CAMK2D: variants seen among roughly 807,000 people sequenced by gnomAD.
CAMK2D encodes calcium/calmodulin dependent protein kinase II delta.
CAMK2D carries 37 observed loss-of-function variants against 84.0 expected under a neutral mutation model. That is an observed-to-expected ratio of 0.44 (90% confidence interval 0.34 to 0.58). The LOEUF is 0.58. CAMK2D is among the 20% of genes least tolerant of loss of function. The pLI, the probability that CAMK2D is intolerant of heterozygous loss-of-function variation, is 0.02. For missense variants in CAMK2D, 448 were observed against 652.5 expected (o/e 0.69, Z 3.41); for synonymous variants, 202 against 212.5 (o/e 0.95, Z 0.43).
intron 2 of CAMK2D, among the ~76,000 whole-genome samples, chr4:113,699,431 G>A (rs1025068685): frequency 1.3e-5 from 2 of 152,018 alleles, no homozygotes; most frequent in African/African-American, 4.8e-5. Context: ...ATAATCTAAG[G>A]TTTACTAAGA....
intron 2 of CAMK2D, among the ~76,000 whole-genome samples, chr4:113,710,876 A>G (rs974776047): frequency 6.6e-6 from 1 of 152,196 alleles, no homozygotes; most frequent in African/African-American, 2.4e-5. Context: ...TATCAAGTAC[A>G]CAACTTCAAT....
chr4:113,688,541 C>A (rs1434162511), intron 2 of CAMK2D, among the ~76,000 whole-genome samples: 1 of 152,132 alleles, frequency 6.6e-6, no homozygotes, highest in Non-Finnish European at 1.5e-5. Context: ...CTAAACACTT[C>A]CAGCTGCCAG....
chr4:113,628,371 G>A (rs997914814), intron 3 of CAMK2D, among the ~76,000 whole-genome samples: 2 of 152,070 alleles, frequency 1.3e-5, no homozygotes, highest in African/African-American at 2.4e-5. Flanking sequence ...ATATAGCCTT[G>A]TTAATTTTAA....
chr4:113,494,471 C>G (rs1441582914), intron 16 of CAMK2D, among the ~76,000 whole-genome samples: 2 of 152,154 alleles, frequency 1.3e-5, no homozygotes, highest in East Asian at 3.9e-4. Context: ...GGGTCAGGGA[C>G]CCACTTGAGG....
At chr4:113,683,619 G>A (rs1388855955) in intron 2 of CAMK2D, among the ~76,000 whole-genome samples, 1 of 152,054 alleles carries the variant, frequency 6.6e-6, no homozygotes, top group Non-Finnish European at 1.5e-5. Context: ...GCGTTTTCTG[G>A]GTAGAAAAAG....
chr4:113,735,261 G>A (rs938560654), intron 2 of CAMK2D, among the ~76,000 whole-genome samples: 4 of 124,002 alleles, frequency 3.2e-5, no homozygotes, highest in South Asian at 2.6e-4. Flanking sequence ...AGACCAACCC[G>A]GCCAACATGG....
chr4:113,463,311 C>T (rs2097414865), intron 17 of CAMK2D, among the ~76,000 whole-genome samples: 1 of 152,118 alleles, frequency 6.6e-6, no homozygotes, highest in African/African-American at 2.4e-5. Flanking sequence ...TCAGAGGCAA[C>T]TTCTTTTTTT....
intron 13 of CAMK2D, 82 bp downstream of exon 13, chr4:113,509,556 G>T (rs1229549056): frequency 5.5e-6 from 5 of 902,368 alleles, no homozygotes; most frequent in Non-Finnish European, 9.0e-6. Flanking sequence ...AACTTGCAAA[G>T]ACTTAGGAAT....
chr4:113,747,267 T>C (rs915032657), intron 2 of CAMK2D, among the ~76,000 whole-genome samples: 4 of 150,870 alleles, frequency 2.7e-5, no homozygotes, highest in Admixed American at 6.6e-5. Context: ...TGCCAAATTA[T>C]AAACTATATC....
chr4:113,479,693 C>T (rs2097675396), intron 16 of CAMK2D, among the ~76,000 whole-genome samples: 1 of 152,170 alleles, frequency 6.6e-6, no homozygotes, highest in African/African-American at 2.4e-5. Context: ...TATTTATGCA[C>T]ATAGGTTGGC....
At chr4:113,546,945 A>G (rs2098580828) in intron 6 of CAMK2D, among the ~76,000 whole-genome samples, 1 of 152,184 alleles carries the variant, frequency 6.6e-6, no homozygotes, top group South Asian at 2.1e-4. Context: ...GTGAAGTCTT[A>G]AGGGTATCAG....
chr4:113,757,605 C>T (rs1033371604), intron 2 of CAMK2D, among the ~76,000 whole-genome samples: 4 of 152,132 alleles, frequency 2.6e-5, no homozygotes, highest in Non-Finnish European at 5.9e-5. Flanking sequence ...AGAATGTCTC[C>T]TAACTCTTCA....
chr4:113,537,259 T>G, intron 7 of CAMK2D, 82 bp downstream of exon 7: 1 of 696,380 alleles, frequency 1.4e-6, no homozygotes, highest in Non-Finnish European at 2.5e-6. Flanking sequence ...TTCCATTTTA[T>G]TTTCACTAGG....
chr4:113,460,041 T>C, intron 18 of CAMK2D, 106 bp downstream of exon 18: 1 of 722,002 alleles, frequency 1.4e-6, no homozygotes. Flanking sequence ...AAATGCTGGA[T>C]GAAGGTAAAA....
intron 3 of CAMK2D, among the ~76,000 whole-genome samples, chr4:113,649,519 C>T (rs2099164660): frequency 6.6e-6 from 1 of 152,172 alleles, no homozygotes; most frequent in Admixed American, 6.5e-5. Flanking sequence ...CCAATCCCTA[C>T]AACTTTATGG....
chr4:113,515,850 T>A (rs1413659000), intron 9 of CAMK2D, among the ~76,000 whole-genome samples: 3 of 152,210 alleles, frequency 2.0e-5, no homozygotes, highest in Non-Finnish European at 2.9e-5. Flanking sequence ...AGTAATCAAA[T>A]CTTATAACTT....
At chr4:113,713,409 ATAT>A (rs1332412052) in intron 2 of CAMK2D, among the ~76,000 whole-genome samples, 1 of 148,890 alleles carries the variant, frequency 6.7e-6, no homozygotes, top group African/African-American at 2.4e-5. Flanking sequence ...ATTAATATTA[ATAT>A]TATTATATTA....
chr4:113,722,577 G>A (rs1007413147), intron 2 of CAMK2D, among the ~76,000 whole-genome samples: 2 of 152,106 alleles, frequency 1.3e-5, no homozygotes, highest in African/African-American at 2.4e-5. Context: ...AATTATGCAG[G>A]ATTATTAAGG....
intron 2 of CAMK2D, among the ~76,000 whole-genome samples, chr4:113,686,816 C>T (rs1319933285): frequency 6.6e-6 from 1 of 151,838 alleles, no homozygotes; most frequent in Admixed American, 6.6e-5. Context: ...AGTTTTAAGA[C>T]AAACTTATTA....
Sources: gnomAD v4.1 joint callset for allele counts (sites outside exome capture counted in the v4.1 genomes callset) on GRCh38, gnomAD v4.1.1 for gene constraint, MANE v1.5 for transcripts, NCBI Gene and HGNC (gene_info 2026-07-23, HGNC 2026-07-21) for gene names.